ST18: variants seen among roughly 807,000 people sequenced by gnomAD.
ST18 encodes the protein ST18 C2H2C-type zinc finger transcription factor.
Under a neutral mutation model 110.0 loss-of-function variants are expected in ST18, and 50 were observed. The ratio of observed to expected loss-of-function variants is 0.45; its 90% CI spans 0.36 to 0.58. The LOEUF is 0.58. Ranked by LOEUF, ST18 falls within the 20% of genes least tolerant of loss-of-function variation. The pLI, the probability that ST18 is intolerant of heterozygous loss-of-function variation, is 0.00. For missense variants in ST18, 1,306 were observed against 1,280.1 expected (o/e 1.02, Z -0.31); for synonymous variants, 461 against 452.4 (o/e 1.02, Z -0.24).
At chr8:52,180,040 A>G in intron 9 of ST18, 82 bp downstream of exon 9, 1 of 1,402,732 alleles carries the variant, frequency 7.1e-7, no homozygotes, top group South Asian at 1.3e-5. Flanking sequence ...TACAAACCAT[A>G]CAAACCACAC....
At chr8:52,276,267 C>T (rs963977198) in intron 2 of ST18, among the ~76,000 whole-genome samples, 2 of 148,332 alleles carry the variant, frequency 1.3e-5, no homozygotes, top group African/African-American at 5.0e-5. Context: ...TACCACACAC[C>T]ACGTACCACA....
At chr8:52,276,126 TACC>T (rs2095241791) in intron 2 of ST18, among the ~76,000 whole-genome samples, 6 of 4,662 alleles carry the variant, frequency 1.3e-3, no homozygotes, top group Non-Finnish European at 1.4e-3. Context: ...ACCTATCACA[TACC>T]ACACACACAC....
intron 15 of ST18, among the ~76,000 whole-genome samples, chr8:52,157,075 C>T (rs763361346): frequency 3.9e-5 from 6 of 152,084 alleles, no homozygotes; most frequent in African/African-American, 7.2e-5. Flanking sequence ...AGAGTGCTCC[C>T]GCCAGGAGCC....
chr8:52,213,911 C>T (rs563933270), intron 7 of ST18, among the ~76,000 whole-genome samples: 60 of 152,202 alleles, frequency 3.9e-4, no homozygotes, highest in Non-Finnish European at 6.6e-4. Flanking sequence ...TTCCATGAAA[C>T]ATCCCTCACT....
chr8:52,162,309 A>G (rs1232237424), intron 13 of ST18, among the ~76,000 whole-genome samples: 6 of 152,214 alleles, frequency 3.9e-5, no homozygotes, highest in African/African-American at 1.4e-4. Flanking sequence ...TTAGATTGGC[A>G]ATGAATAGTC....
At chr8:52,273,880 GGATT>G in intron 2 of ST18, among the ~76,000 whole-genome samples, 1 of 152,116 alleles carries the variant, frequency 6.6e-6, no homozygotes, top group East Asian at 1.9e-4. Flanking sequence ...TACAGTGTAT[GGATT>G]AACAAGGCAA....
chr8:52,319,377 G>A (rs16917670), intron 2 of ST18, among the ~76,000 whole-genome samples: 18,936 of 151,898 alleles, frequency 0.12, 1,317 homozygotes, highest in African/African-American at 0.19. Flanking sequence ...TCTGAGAAAT[G>A]TCTGTTGTGT....
At chr8:52,318,380 T>C (rs1283570190) in intron 2 of ST18, among the ~76,000 whole-genome samples, 1 of 152,064 alleles carries the variant, frequency 6.6e-6, no homozygotes, top group Non-Finnish European at 1.5e-5. Flanking sequence ...ATGGCTGTTA[T>C]TAAAAAGTCA....
intron 8 of ST18, among the ~76,000 whole-genome samples, chr8:52,204,679 G>C (rs143497293): frequency 6.6e-6 from 1 of 152,288 alleles, no homozygotes; most frequent in African/African-American, 2.4e-5. Context: ...CAAATTCTGC[G>C]TGTAAAAATA....
intron 2 of ST18, among the ~76,000 whole-genome samples, chr8:52,297,580 A>G (rs2095654384): frequency 6.6e-6 from 1 of 152,232 alleles, no homozygotes; most frequent in African/African-American, 2.4e-5. Flanking sequence ...GAAATTAAAA[A>G]CAACAAAAAC....
At chr8:52,321,666 A>G (rs906879269) in intron 2 of ST18, among the ~76,000 whole-genome samples, 5 of 152,174 alleles carry the variant, frequency 3.3e-5, no homozygotes, top group African/African-American at 1.2e-4. Flanking sequence ...TGCTAATACA[A>G]TCACCAACTA....
chr8:52,332,033 C>G (rs1201585252), intron 2 of ST18, among the ~76,000 whole-genome samples: 1 of 151,674 alleles, frequency 6.6e-6, no homozygotes, highest in Non-Finnish European at 1.5e-5. Flanking sequence ...TGTATATATA[C>G]ATATAAAACA....
intron 8 of ST18, among the ~76,000 whole-genome samples, chr8:52,210,428 T>G (rs1311913432): frequency 6.6e-6 from 1 of 151,980 alleles, no homozygotes; most frequent in South Asian, 2.1e-4. Flanking sequence ...CTGGCCGAGG[T>G]GGGAGAAACA....
At chr8:52,322,914 A>G (rs1804651443) in intron 2 of ST18, among the ~76,000 whole-genome samples, 1 of 152,206 alleles carries the variant, frequency 6.6e-6, no homozygotes, top group African/African-American at 2.4e-5. Flanking sequence ...TATTGCATCC[A>G]CTATCACCAC....
At chr8:52,355,553 C>T (rs1822331893) in intron 2 of ST18, among the ~76,000 whole-genome samples, 1 of 152,182 alleles carries the variant, frequency 6.6e-6, no homozygotes, top group African/African-American at 2.4e-5. Context: ...TATTCATCCA[C>T]AAAAGCAATA....
chr8:52,256,208 C>T (rs2094524427), intron 2 of ST18, among the ~76,000 whole-genome samples: 1 of 152,228 alleles, frequency 6.6e-6, no homozygotes, highest in Non-Finnish European at 1.5e-5. Flanking sequence ...ATTCACTTTC[C>T]TTCCTAGCAT....
At chr8:52,136,490 A>G in intron 19 of ST18, 100 bp downstream of exon 19, 1 of 1,195,658 alleles carries the variant, frequency 8.4e-7, no homozygotes, top group Non-Finnish European at 1.2e-6. Context: ...CAGGCAGGAC[A>G]TACTGCTTGT....
chr8:52,409,134 C>A (rs1845544382), intron 2 of ST18, 194 bp downstream of exon 2: 2 of 152,198 alleles, frequency 1.3e-5, no homozygotes, highest in Admixed American at 1.3e-4. Flanking sequence ...GCATTAGAAA[C>A]AACTCAGGTG....
intron 2 of ST18, among the ~76,000 whole-genome samples, chr8:52,375,059 T>C (rs1476611494): frequency 6.6e-6 from 1 of 152,102 alleles, no homozygotes; most frequent in Non-Finnish European, 1.5e-5. Flanking sequence ...CTCTTCAACT[T>C]GATCCTGTCT....
Sources: gnomAD v4.1 joint callset for allele counts (sites outside exome capture counted in the v4.1 genomes callset) on GRCh38, gnomAD v4.1.1 for gene constraint, MANE v1.5 for transcripts, NCBI Gene and HGNC (gene_info 2026-07-23, HGNC 2026-07-21) for gene names.